EPHB2: variants seen among roughly 807,000 people sequenced by gnomAD.
EPHB2 encodes ephrin type-B receptor 2.
Under a neutral mutation model 96.4 loss-of-function variants are expected in EPHB2, and 18 were observed. That is an observed-to-expected ratio of 0.19 (90% CI 0.13 to 0.28). EPHB2 has a LOEUF of 0.28. Ranked by LOEUF, EPHB2 falls within the 10% of genes least tolerant of loss-of-function variation. The pLI is 1.00. For synonymous variants in EPHB2, 506 were observed against 534.1 expected, an observed-to-expected ratio of 0.95 and a Z score of 0.72; for missense variants, 989 against 1,355.4, an observed-to-expected ratio of 0.73 and a Z score of 4.25.
At chr1:22,721,011 G>A (rs1363587618) in intron 1 of EPHB2, among the ~76,000 whole-genome samples, 2 of 152,096 alleles carry the variant, frequency 1.3e-5, no homozygotes, top group African/African-American at 4.8e-5. Flanking sequence ...ATAATTTCAG[G>A]CACTACAGAA....
intron 3 of EPHB2, among the ~76,000 whole-genome samples, chr1:22,834,219 T>C (rs1227701551): frequency 6.6e-6 from 1 of 152,142 alleles, no homozygotes; most frequent in Non-Finnish European, 1.5e-5. Flanking sequence ...AATTACACTT[T>C]TTCCCCCTCA....
Position 22,918,575 on chromosome 1 carries a change from C to A in EPHB2, c.*5005C>A, listed in dbSNP as rs972629327. 12 of 152,266 alleles carry A rather than the reference C, an allele frequency of 7.9e-5. No homozygotes were observed. Among genetic ancestry groups the A allele is most frequent in the African/African-American group, 2.9e-4 (12 of 41,462 alleles). The allele number at this position is 152,266 out of a possible 1,614,324, so 9.4% of individuals were successfully genotyped here. A position where few individuals can be genotyped will look rare whatever the true frequency, so the allele number is the denominator to read the frequency against. On this transcript the variant is annotated 3_prime_UTR_variant, in exon 16 of 16. Transcript: ENST00000374630. This position sits in a 1 kb window ranked among gnomAD's most constrained non-coding sequence, Gnocchi z 4.2. Reference sequence around the variant, plus strand: ...CCAGAGGGAAGTTGAGGGAGCCCCACTGTGCTGTGTGATGCTACATACGCA... The same window carrying A: ...CCAGAGGGAAGTTGAGGGAGCCCCAATGTGCTGTGTGATGCTACATACGCA...
At chr1:22,739,874 G>A (rs150074835) in intron 1 of EPHB2, among the ~76,000 whole-genome samples, 5 of 152,298 alleles carry the variant, frequency 3.3e-5, no homozygotes, top group African/African-American at 9.6e-5. Context: ...CTGACGCTGC[G>A]GAAAGTTGTG....
intron 3 of EPHB2, among the ~76,000 whole-genome samples, chr1:22,839,060 A>G (rs988098019): frequency 6.6e-6 from 1 of 152,218 alleles, no homozygotes; most frequent in African/African-American, 2.4e-5. Flanking sequence ...CAGATAGGAA[A>G]AACAAAGCCC....
At chr1:22,912,321 C>A in intron 14 of EPHB2, 123 bp from the exon 15 acceptor site, 3 of 1,405,948 alleles carry the variant, frequency 2.1e-6, no homozygotes, top group Non-Finnish European at 3.0e-6. Context: ...TACCCCTTCA[C>A]CTGTGTTCAC....
intron 6 of EPHB2, chr1:22,882,950 T>A (rs960698202): frequency 4.2e-6 from 1 of 236,696 alleles, no homozygotes; most frequent in African/African-American, 2.3e-5. Context: ...CTCGCCTGCA[T>A]GCCCTTTGCA....
chr1:22,908,601 A>G (rs1639992756), intron 12 of EPHB2, among the ~76,000 whole-genome samples: 1 of 152,248 alleles, frequency 6.6e-6, no homozygotes, highest in African/African-American at 2.4e-5. Flanking sequence ...GCCCAGGTTC[A>G]GGACTCTCTC....
chr1:22,758,899 A>T (rs922363086), intron 1 of EPHB2, among the ~76,000 whole-genome samples: 1 of 101,400 alleles, frequency 9.9e-6, no homozygotes, highest in Non-Finnish European at 1.8e-5. Context: ...GGCTGGCTGG[A>T]TGGATGATGG....
intron 3 of EPHB2, among the ~76,000 whole-genome samples, chr1:22,838,537 C>T (rs1320653155): frequency 6.6e-6 from 1 of 152,176 alleles, no homozygotes; most frequent in Non-Finnish European, 1.5e-5. Context: ...TAAGATTATT[C>T]ATCCAACCAG....
intron 1 of EPHB2, among the ~76,000 whole-genome samples, chr1:22,728,972 C>G (rs531326394): frequency 6.6e-6 from 1 of 152,330 alleles, no homozygotes; most frequent in East Asian, 1.9e-4. Context: ...CTGCACGCGG[C>G]GGGCCAGGCT....
At chr1:22,747,395 A>C (rs1415905322) in intron 1 of EPHB2, among the ~76,000 whole-genome samples, 1 of 152,262 alleles carries the variant, frequency 6.6e-6, no homozygotes, top group Admixed American at 6.5e-5. Flanking sequence ...TGGCTTGCCC[A>C]AGGCCCGACT....
chr1:22,731,722 C>T (rs1014907806), intron 1 of EPHB2, among the ~76,000 whole-genome samples: 3 of 152,186 alleles, frequency 2.0e-5, no homozygotes, highest in Non-Finnish European at 4.4e-5. Flanking sequence ...CATCTGTAAT[C>T]CCAGCTACTC....
intron 3 of EPHB2, among the ~76,000 whole-genome samples, chr1:22,793,068 G>T (rs1272188560): frequency 6.6e-6 from 1 of 152,160 alleles, no homozygotes; most frequent in Non-Finnish European, 1.5e-5. Context: ...AAGGGTGGGG[G>T]TCAGTCACCT....
intron 1 of EPHB2, among the ~76,000 whole-genome samples, chr1:22,768,960 G>T (rs1350856107): frequency 6.6e-6 from 1 of 152,184 alleles, no homozygotes; most frequent in East Asian, 1.9e-4. Flanking sequence ...TCCAGGCAGG[G>T]TTAGGATTCC....
intron 9 of EPHB2, among the ~76,000 whole-genome samples, chr1:22,899,158 A>G (rs1639667947): frequency 7.0e-6 from 1 of 143,854 alleles, no homozygotes; most frequent in African/African-American, 2.6e-5. Context: ...GTGCCATTGC[A>G]CTCCAGCCTG....
At chr1:22,754,825 T>C (rs1570217091) in intron 1 of EPHB2, among the ~76,000 whole-genome samples, 1 of 104,072 alleles carries the variant, frequency 9.6e-6, no homozygotes, top group Non-Finnish European at 2.0e-5. Flanking sequence ...GGAAGGGAGG[T>C]GAGGGGCAGG....
intron 5 of EPHB2, among the ~76,000 whole-genome samples, chr1:22,874,432 G>A: frequency 6.6e-6 from 1 of 152,186 alleles, no homozygotes; most frequent in East Asian, 1.9e-4. Context: ...TAGGAGATGG[G>A]TGATTGGATG....
chr1:22,908,468 C>T (rs756471765), intron 12 of EPHB2, among the ~76,000 whole-genome samples: 6 of 152,190 alleles, frequency 3.9e-5, no homozygotes, highest in Non-Finnish European at 7.3e-5. Flanking sequence ...GGCCCGGAAA[C>T]GTTTGTCAGA....
At chr1:22,797,422 C>G (rs188664541) in intron 3 of EPHB2, among the ~76,000 whole-genome samples, 5 of 152,158 alleles carry the variant, frequency 3.3e-5, no homozygotes, top group African/African-American at 4.8e-5. Flanking sequence ...GTCCCACCCC[C>G]CTCCACCTCT....
Sources: gnomAD v4.1 joint callset for allele counts (sites outside exome capture counted in the v4.1 genomes callset) on GRCh38, gnomAD v4.1.1 for gene constraint, Gnocchi (gnomAD v3.1) non-coding constraint, MANE v1.5 for transcripts, NCBI Gene and HGNC (gene_info 2026-07-23, HGNC 2026-07-21) for gene names.